Variants in CKMT2 observed in about 807,000 individuals in gnomAD.
CKMT2 encodes creatine kinase S-type, mitochondrial.
CKMT2 carries 43 observed loss-of-function variants against 48.9 expected under a neutral mutation model. That is an observed-to-expected ratio of 0.88 (90% CI 0.69 to 1.13). The LOEUF is 1.13. CKMT2 is among the 50% of genes most tolerant of loss of function. CKMT2 has a pLI of 0.00. For synonymous variants in CKMT2, 206 were observed against 213.0 expected (o/e 0.97, Z 0.29); for missense variants, 472 against 555.4 (o/e 0.85, Z 1.51).
intron 4 of CKMT2, 165 bp from the exon 5 acceptor site, chr5:81,254,828 C>T (rs1292354540): frequency 6.1e-6 from 4 of 651,574 alleles, no homozygotes; most frequent in Non-Finnish European, 1.1e-5. Flanking sequence ...GTCGAAGGTC[C>T]GTGCCCCAAG....
intron 1 of CKMT2, among the ~76,000 whole-genome samples, chr5:81,240,420 T>TG: frequency 6.6e-6 from 1 of 152,272 alleles, no homozygotes; most frequent in South Asian, 2.1e-4. Context: ...CCCAGAGGAA[T>TG]GGGGGCACAC....
intron 1 of CKMT2, chr5:81,244,028 T>C: frequency 1.0e-6 from 1 of 985,368 alleles, no homozygotes; most frequent in Non-Finnish European, 1.2e-6. Flanking sequence ...ATTTGCCTCT[T>C]TCCCCAAAAA....
chr5:81,238,158 C>T (rs962506732), intron 1 of CKMT2: 1 of 152,030 alleles, frequency 6.6e-6, no homozygotes, highest in Non-Finnish European at 1.5e-5. Context: ...CATGGTGAAA[C>T]CCCGTCTCTA....
At chr5:81,243,577 C>G (rs1050647834) in intron 1 of CKMT2, among the ~76,000 whole-genome samples, 32 of 152,156 alleles carry the variant, frequency 2.1e-4, no homozygotes, top group Non-Finnish European at 4.3e-4. Flanking sequence ...ATGCAAAGCT[C>G]TAGTGCAATG....
intron 1 of CKMT2, among the ~76,000 whole-genome samples, chr5:81,249,651 C>G (rs73768055): frequency 6.6e-6 from 1 of 151,864 alleles, no homozygotes; most frequent in Non-Finnish European, 1.5e-5. Context: ...CATGTTTTCT[C>G]CATTTCAGGC....
Position 81,239,614 on chromosome 5 carries a change from C to T in CKMT2, c.-21+6237C>T, listed in dbSNP as rs186136473. ...GGTGTGACCTGTCCTAGTCCCAGGG[C>T]AGGTGGAGGCATGCAATACAGTACT... On this transcript the variant is annotated intron_variant, in intron 1 of 9. Transcript: ENST00000254035. Among the ~76,000 whole-genome samples the T allele has an allele frequency of 2.8e-3, 433 of 152,288 alleles. 4 individuals are homozygous for T. The highest frequency in any genetic ancestry group is 5.0e-3 in the Non-Finnish European group (337 of 68,020).
Position 81,255,082 on chromosome 5 carries a change from C to G in CKMT2, c.537C>G (p.Ala179=). Residue 179 remains alanine, a synonymous_variant, in exon 5 of 10, where the codon GCC becomes GCG. Transcript: ENST00000254035. Reference sequence around the variant, plus strand: ...TCCGTGGGCTGAGCCTGCCTCCAGCCTGCACCCGGGCCGAGCGAAGGGAGG... The same window carrying G: ...TCCGTGGGCTGAGCCTGCCTCCAGCGTGCACCCGGGCCGAGCGAAGGGAGG... ...RSIRGLSLPP[A]CTRAERREVE... is the part of the protein sequence containing the mutation. The G allele has an allele frequency of 6.2e-7, 1 of 1,614,064 alleles. No homozygotes were observed. Among genetic ancestry groups the G allele is most frequent in the South Asian group, 1.1e-5 (1 of 91,082 alleles).
chr5:81,254,889 G>A (rs1201034631), intron 4 of CKMT2, 104 bp from the exon 5 acceptor site: 1 of 953,416 alleles, frequency 1.0e-6, no homozygotes, highest in Non-Finnish European at 1.7e-6. Context: ...CACAGTGCCT[G>A]AGGGTCCCCA....
chr5:81,254,424 T>G lies in CKMT2; in HGVS notation c.380T>G (p.Ile127Ser), dbSNP rs1173339397. ...TTTGCTGACCTTTTTGACCCCGTCA[T>G]CAAACTAAGACACAACGGCTATGAC... is the stretch of plus-strand genomic sequence containing the variant. ...EVFADLFDPV[I>S]KLRHNGYDPR... Residue 127 changes from isoleucine (I) to serine (S), a missense_variant, in exon 4 of 10, where the codon ATC becomes AGC. Transcript: ENST00000254035. The G allele has an allele frequency of 6.2e-7, 1 of 1,614,112 alleles. No homozygotes were observed. The highest frequency in any genetic ancestry group is 1.1e-5 in the South Asian group (1 of 91,078).
At chr5:81,245,911 T>C (rs938844349) in intron 1 of CKMT2, among the ~76,000 whole-genome samples, 28 of 152,276 alleles carry the variant, frequency 1.8e-4, no homozygotes, top group African/African-American at 6.5e-4. Context: ...CCCGCCCAAC[T>C]GTAGACCAGA....
chr5:81,251,420 T>C (rs978751041), intron 2 of CKMT2, 136 bp downstream of exon 2: 38 of 840,660 alleles, frequency 4.5e-5, no homozygotes, highest in Non-Finnish European at 6.7e-5. Flanking sequence ...ACCCCATCTC[T>C]ACTAAAAATA....
chr5:81,235,874 T>C (rs1756229171), intron 1 of CKMT2: 1 of 152,272 alleles, frequency 6.6e-6, no homozygotes, highest in South Asian at 2.1e-4. Flanking sequence ...TCTCCCTGGC[T>C]TGGAGCCCAG....
At chr5:81,256,119 ATC>A (rs958020366) in intron 5 of CKMT2, among the ~76,000 whole-genome samples, 3 of 152,234 alleles carry the variant, frequency 2.0e-5, no homozygotes, top group African/African-American at 4.8e-5. Context: ...ATTTGAATAT[ATC>A]TCTCTGTAGA....
At chr5:81,260,716 G>A (rs1046315223) in intron 8 of CKMT2, among the ~76,000 whole-genome samples, 2 of 152,164 alleles carry the variant, frequency 1.3e-5, no homozygotes, top group African/African-American at 4.8e-5. Flanking sequence ...AATTAAGGCA[G>A]TAATTAATAG....
At chr5:81,244,020 T>A (rs1243073615) in intron 1 of CKMT2, 1 of 985,132 alleles carries the variant, frequency 1.0e-6, no homozygotes, top group Non-Finnish European at 1.2e-6. Context: ...TAGTTGACAT[T>A]TGCCTCTTTC....
At chr5:81,235,966 C>A (rs1756231149) in intron 1 of CKMT2, 1 of 152,208 alleles carries the variant, frequency 6.6e-6, no homozygotes, top group South Asian at 2.1e-4. Context: ...GTTAGGGAAA[C>A]TGAGGCAGAA....
intron 6 of CKMT2, among the ~76,000 whole-genome samples, 167 bp downstream of exon 6, chr5:81,257,167 T>TA (rs1757042118): frequency 1.4e-5 from 2 of 139,764 alleles, no homozygotes; most frequent in Admixed American, 7.9e-5. Context: ...TGTGTGTGTG[T>TA]GTGTGTGTGT....
At chr5:81,239,436 G>A (rs960307626) in intron 1 of CKMT2, 1 of 152,174 alleles carries the variant, frequency 6.6e-6, no homozygotes, top group Non-Finnish European at 1.5e-5. Context: ...AGTCTGCTCT[G>A]GGCTGAGGGG....
At chr5:81,247,353 C>T (rs747706036) in intron 1 of CKMT2, among the ~76,000 whole-genome samples, 1 of 152,206 alleles carries the variant, frequency 6.6e-6, no homozygotes, top group African/African-American at 2.4e-5. Flanking sequence ...CTTTGATAGA[C>T]ACAGATTACC....
Sources: allele counts gnomAD v4.1 joint callset (sites outside exome capture counted in the v4.1 genomes callset), GRCh38; gene constraint gnomAD v4.1.1; transcripts MANE v1.5; gene names NCBI Gene and HGNC (gene_info 2026-07-23, HGNC 2026-07-21).